The following ST3GAL3 variants were observed in gnomAD, a reference collection of about 807,000 sequenced individuals.
The protein encoded by ST3GAL3 is CMP-N-acetylneuraminate-beta-1,4-galactoside alpha-2,3-sialyltransferase.
In ST3GAL3, 21 loss-of-function variants were observed where a neutral mutation model predicts 50.1. That is an observed-to-expected ratio of 0.42 (90% CI 0.30 to 0.60). ST3GAL3 has a LOEUF of 0.60. Among genes scored for constraint, ST3GAL3 ranks in the 20% least tolerant of loss-of-function variants. The pLI is 0.19. For synonymous variants in ST3GAL3, 183 were observed against 190.0 expected (o/e 0.96, Z 0.30); for missense variants, 353 against 489.4 (o/e 0.72, Z 2.63).
At chr1:43,728,941 G>A (rs965520571) in intron 1 of ST3GAL3, among the ~76,000 whole-genome samples, 3 of 152,086 alleles carry the variant, frequency 2.0e-5, no homozygotes, top group African/African-American at 4.8e-5. Flanking sequence ...CCAGGCTGGA[G>A]TGCAGTTGCA....
intron 3 of ST3GAL3, among the ~76,000 whole-genome samples, chr1:43,803,233 T>G (rs1328213244): frequency 2.0e-5 from 3 of 152,044 alleles, no homozygotes; most frequent in Non-Finnish European, 4.4e-5. Context: ...CTGGTCGGGT[T>G]TTGTAAATGC....
At chr1:43,848,294 C>T (rs199591447) in intron 5 of ST3GAL3, among the ~76,000 whole-genome samples, 598 of 70,302 alleles carry the variant, frequency 8.5e-3, no homozygotes, top group Middle Eastern at 0.016. Context: ...TTGTGGTTTT[C>T]TTTTTTTTTT....
intron 4 of ST3GAL3, among the ~76,000 whole-genome samples, chr1:43,817,389 T>C (rs12747088): frequency 5.2e-4 from 25 of 47,738 alleles, no homozygotes; most frequent in African/African-American, 2.0e-3. Context: ...TCCTTCTTCT[T>C]CTCCTCCTTT....
intron 2 of ST3GAL3, chr1:43,736,892 T>C (rs1236707605): frequency 6.1e-5 from 14 of 231,126 alleles, no homozygotes; most frequent in Non-Finnish European, 1.1e-4. Flanking sequence ...CTGGCTACAA[T>C]AATGGCTTAT....
chr1:43,905,704 ACCACTCTTCCTC>A (rs2079348707), intron 9 of ST3GAL3, among the ~76,000 whole-genome samples: 1 of 21,806 alleles, frequency 4.6e-5, no homozygotes, highest in African/African-American at 2.5e-4. Flanking sequence ...CCCCCTTCCC[ACCACTCTTCCTC>A]CCCCTCCTCC....
At chr1:43,903,386 G>A (rs997190953) in intron 9 of ST3GAL3, among the ~76,000 whole-genome samples, 10 of 152,072 alleles carry the variant, frequency 6.6e-5, no homozygotes, top group East Asian at 3.9e-4. Flanking sequence ...CCCCCACTGC[G>A]CCTCAGCAGG....
intron 3 of ST3GAL3, among the ~76,000 whole-genome samples, chr1:43,808,693 G>T (rs1037686385): frequency 2.6e-5 from 4 of 152,172 alleles, no homozygotes; most frequent in African/African-American, 9.7e-5. Flanking sequence ...AGAATTCACA[G>T]ATCATCAGAG....
At position 43,769,884 on chromosome 1, in the gene ST3GAL3, A is replaced by T. The variant is rs115479209; in HGVS notation, c.119-22218A>T. Among the ~76,000 whole-genome samples the T allele has an allele frequency of 2.7e-3, 407 of 152,228 alleles. 2 individuals carry two copies. Among genetic ancestry groups the T allele is most frequent in the Non-Finnish European group, 3.9e-3 (268 of 68,024 alleles). On this transcript the variant is annotated intron_variant, in intron 2 of 11. Coordinates refer to ENST00000347631, the MANE Select transcript of ST3GAL3 (RefSeq NM_006279.5). ...TTTCTCTCATTTTTATTCATATAAC[A>T]GGTCTTTGAAGTAGAATAAAGTCTG...
At chr1:43,729,985 T>C (rs1443661811) in intron 1 of ST3GAL3, among the ~76,000 whole-genome samples, 1 of 152,254 alleles carries the variant, frequency 6.6e-6, no homozygotes, top group Non-Finnish European at 1.5e-5. Context: ...TTCTAGAATG[T>C]GTCAGACTTT....
At chr1:43,901,541 GA>G (rs2078274941) in intron 9 of ST3GAL3, among the ~76,000 whole-genome samples, 1 of 152,242 alleles carries the variant, frequency 6.6e-6, no homozygotes, top group Non-Finnish European at 1.5e-5. Context: ...AAAGAAAGAA[GA>G]AAAGGAAGGA....
chr1:43,768,494 C>T (rs1352661109), intron 2 of ST3GAL3, among the ~76,000 whole-genome samples: 1 of 152,090 alleles, frequency 6.6e-6, no homozygotes, highest in Non-Finnish European at 1.5e-5. Context: ...TCTGGCAAGA[C>T]TGATTGTGGA....
At chr1:43,786,690 C>T (rs2057381315) in intron 2 of ST3GAL3, among the ~76,000 whole-genome samples, 1 of 152,118 alleles carries the variant, frequency 6.6e-6, no homozygotes, top group South Asian at 2.1e-4. Context: ...AACAAAAATT[C>T]CTTGAGAATA....
At chr1:43,754,817 G>T (rs1014810589) in intron 2 of ST3GAL3, among the ~76,000 whole-genome samples, 1 of 152,062 alleles carries the variant, frequency 6.6e-6, no homozygotes, top group Non-Finnish European at 1.5e-5. Flanking sequence ...GAGTGTAGTG[G>T]TGTGTTCCTG....
chr1:43,803,146 G>C (rs796789943), intron 3 of ST3GAL3, among the ~76,000 whole-genome samples: 6 of 152,206 alleles, frequency 3.9e-5, no homozygotes, highest in African/African-American at 1.4e-4. Flanking sequence ...GGCTGGTCTT[G>C]AACTCCTGAC....
intron 1 of ST3GAL3, among the ~76,000 whole-genome samples, chr1:43,730,818 A>C (rs960857529): frequency 6.6e-6 from 1 of 151,888 alleles, no homozygotes; most frequent in African/African-American, 2.4e-5. Context: ...AAGTGCTAGG[A>C]TTACAGGCAT....
chr1:43,879,181 T>TG, intron 5 of ST3GAL3: 1 of 443,920 alleles, frequency 2.3e-6, no homozygotes, highest in Non-Finnish European at 4.5e-6. Context: ...AGAGCCGTTG[T>TG]GGAAAGGTCC....
At chr1:43,788,432 G>A (rs188045297) in intron 2 of ST3GAL3, among the ~76,000 whole-genome samples, 72 of 152,142 alleles carry the variant, frequency 4.7e-4, no homozygotes, top group Non-Finnish European at 7.6e-4. Context: ...GTGATCTCTC[G>A]CCTGGAAAAC....
chr1:43,908,192 A>T (rs141607292), intron 9 of ST3GAL3, among the ~76,000 whole-genome samples: 6 of 152,002 alleles, frequency 3.9e-5, no homozygotes, highest in Middle Eastern at 3.4e-3. Flanking sequence ...CAGATCTTTC[A>T]TTCTCCCTTC....
At chr1:43,917,524 T>A (rs1460678338) in intron 9 of ST3GAL3, among the ~76,000 whole-genome samples, 1 of 71,892 alleles carries the variant, frequency 1.4e-5, no homozygotes, top group African/African-American at 5.1e-5. Context: ...TAATATATAT[T>A]ATATTATATA....
Sources: gnomAD v4.1 joint callset for allele counts (sites outside exome capture counted in the v4.1 genomes callset) on GRCh38, gnomAD v4.1.1 for gene constraint, MANE v1.5 for transcripts, NCBI Gene and HGNC (gene_info 2026-07-23, HGNC 2026-07-21) for gene names.